Variants in HERC5 observed in about 807,000 individuals in gnomAD.
HERC5 encodes the protein HECT and RLD domain containing E3 ubiquitin protein ligase 5, also known as E3 ISG15--protein ligase HERC5.
Under a neutral mutation model 119.6 loss-of-function variants are expected in HERC5, and 99 were observed. The observed-to-expected ratio is 0.83, with a 90% CI of 0.70 to 0.98. HERC5 has a LOEUF of 0.98. HERC5 is among the 50% of genes least tolerant of loss of function. HERC5 has a pLI of 0.00. For synonymous variants in HERC5, 478 were observed against 445.9 expected, an observed-to-expected ratio of 1.07 and a Z score of -0.91; for missense variants, 1,267 against 1,241.3, an observed-to-expected ratio of 1.02 and a Z score of -0.31.
chr4:88,463,704 A>G, intron 5 of HERC5, 81 bp downstream of exon 5: 2 of 1,414,246 alleles, frequency 1.4e-6, no homozygotes, highest in Non-Finnish European at 2.0e-6. Context: ...CAGAGAAGAA[A>G]GGTCATCACT....
intron 17 of HERC5, 21 bp from the exon 18 acceptor site, chr4:88,494,144 G>T (rs1377954388): frequency 1.3e-6 from 2 of 1,537,750 alleles, no homozygotes; most frequent in African/African-American, 1.4e-5. Flanking sequence ...AATACTTTAA[G>T]ATTTTTTTTT....
At chr4:88,471,088 C>T (rs1457887447) in intron 10 of HERC5, among the ~76,000 whole-genome samples, 1 of 151,892 alleles carries the variant, frequency 6.6e-6, no homozygotes, top group African/African-American at 2.4e-5. Context: ...CCTCCCACCT[C>T]AGCCTGAGTA....
At chr4:88,486,037 C>T in intron 13 of HERC5, 78 bp from the exon 14 acceptor site, 1 of 751,126 alleles carries the variant, frequency 1.3e-6, no homozygotes, top group South Asian at 1.8e-5. Context: ...ATAATTTAAT[C>T]TGATAATCTA....
chr4:88,471,835 C>CT (rs993390248), intron 10 of HERC5, among the ~76,000 whole-genome samples: 2 of 151,972 alleles, frequency 1.3e-5, no homozygotes, highest in Admixed American at 6.6e-5. Context: ...AAATGTTTAT[C>CT]TTTTTTCTGT....
At chr4:88,478,462 T>A (rs1741159247) in intron 12 of HERC5, among the ~76,000 whole-genome samples, 1 of 151,988 alleles carries the variant, frequency 6.6e-6, no homozygotes, top group Non-Finnish European at 1.5e-5. Flanking sequence ...TGTGGAGATG[T>A]AGGTCAAAGG....
intron 20 of HERC5, among the ~76,000 whole-genome samples, chr4:88,501,224 A>C (rs1352417476): frequency 1.3e-5 from 2 of 152,208 alleles, no homozygotes; most frequent in East Asian, 1.9e-4. Flanking sequence ...CAAAATTACA[A>C]CACCAACATC....
In HERC5 at chr4:88,486,331, G is replaced by A. The variant is rs564392327; in HGVS notation, c.1851+103G>A. 3 of 662,466 alleles carry A rather than the reference G, an allele frequency of 4.5e-6. No homozygotes were observed. The African/African-American group carries it at 5.5e-5, about 12-fold the overall frequency. The allele number at this position is 662,466 out of a possible 1,614,324, so 41.0% of individuals were successfully genotyped here. On this transcript the variant is annotated intron_variant, in intron 14 of 22. Transcript: ENST00000264350. Reference sequence around the variant, plus strand: ...CACAATAGAAATAGCAGGACTTGTGGGAAACATTAAGACTCCTCAAAATCT... The same window carrying A: ...CACAATAGAAATAGCAGGACTTGTGAGAAACATTAAGACTCCTCAAAATCT...
In HERC5 at chr4:88,505,880, C is replaced by T. The variant is rs1742090003; in HGVS notation, c.*2C>T. ...AACAACAACAGAGGATTTGGCTGACCAGCTTGCTTGTCCAACAGCCTTATT... is the reference window on the plus strand; with the variant it reads ...AACAACAACAGAGGATTTGGCTGACTAGCTTGCTTGTCCAACAGCCTTATT... On this transcript the variant is annotated 3_prime_UTR_variant, in exon 23 of 23. Transcript: ENST00000264350. 1.2e-6 allele frequency: 2 copies of T among 1,600,450 alleles called. No individual in the cohort carries two copies. The highest frequency in any genetic ancestry group is 4.5e-5 in the East Asian group (2 of 44,550).
intron 13 of HERC5, among the ~76,000 whole-genome samples, chr4:88,479,838 C>T (rs891600093): frequency 1.3e-5 from 2 of 151,964 alleles, no homozygotes; most frequent in Admixed American, 6.6e-5. Context: ...GAGGCCAAGG[C>T]GGGCGGATCA....
chr4:88,464,092 A>C (rs1048785452), intron 6 of HERC5, 107 bp downstream of exon 6: 3 of 841,698 alleles, frequency 3.6e-6, no homozygotes, highest in African/African-American at 3.5e-5. Context: ...AACATTTTCA[A>C]ATCAGTGAAA....
chr4:88,468,825 G>A (rs950485763), intron 8 of HERC5, among the ~76,000 whole-genome samples: 1 of 152,162 alleles, frequency 6.6e-6, no homozygotes, highest in African/African-American at 2.4e-5. Context: ...AAGTGAAATC[G>A]AGTTCCTCAC....
intron 10 of HERC5, 85 bp from the exon 11 acceptor site, chr4:88,472,324 T>G (rs1423762338): frequency 1.3e-6 from 1 of 748,728 alleles, no homozygotes; most frequent in Non-Finnish European, 2.3e-6. Context: ...AAAGGTAATT[T>G]TGTTGAAATG....
Position 88,500,850 on chromosome 4 carries a change from T to A in HERC5, c.2512-65T>A, listed in dbSNP as rs1741926004. ...TTTAGAAAGTATGCTCCAAAGTGTT[T>A]TTATTGATGATAGATTGTTCAGAAT... On this transcript the variant is annotated intron_variant, in intron 19 of 22. Transcript: ENST00000264350. 1.2e-5 allele frequency: 15 copies of A among 1,205,358 alleles called. No individual in the cohort carries two copies. The South Asian group carries it at 1.6e-4, about 13-fold the overall frequency. The allele number at this position is 1,205,358 out of a possible 1,614,324, so 74.7% of individuals were successfully genotyped here.
chr4:88,463,974 A>C lies in HERC5; in HGVS notation c.900A>C (p.Ile300=). 2.5e-6 allele frequency: 4 copies of C among 1,613,036 alleles called. No individual in the cohort carries two copies. The highest frequency in any genetic ancestry group is 3.4e-6 in the Non-Finnish European group (4 of 1,179,588). Residue 300 remains isoleucine, a synonymous_variant, in exon 6 of 23, where the codon ATA becomes ATC. Transcript: ENST00000264350. The part of the protein sequence containing the change: ...AELVGYRVTQ[I]ACGRWHTLAY... ...TTGTTGGGTATAGAGTGACTCAGAT[A>C]GCATGTGGAAGGTAAGTTGTAAAGT...
rs533932516 is a variant in HERC5 at position 88,479,650 on chromosome 4, A to G, written c.1737+143A>G. ...TTTTTTAATTTTTTTTTAAAATTAC[A>G]TCATACATATAAAGGAATATATATA... On this transcript the variant is annotated intron_variant, in intron 13 of 22. Transcript: ENST00000264350. The G allele has an allele frequency of 2.3e-5, 8 of 351,840 alleles. No individual in the cohort carries two copies. The East Asian group carries it at 1.1e-3, about 46-fold the overall frequency. 21.8% of individuals were successfully genotyped at this position (351,840 alleles called of 1,614,324 possible). A position where few individuals can be genotyped will look rare whatever the true frequency, so the allele number is the denominator to read the frequency against.
chr4:88,463,835 A>G lies in HERC5; in HGVS notation c.781-20A>G. On this transcript the variant is annotated intron_variant, in intron 5 of 22. Coordinates refer to ENST00000264350, the MANE Select transcript of HERC5 (RefSeq NM_016323.4). Reference sequence around the variant, plus strand: ...TTATTTTATTTTTCTAGCATCTGATATGACATTCCCTTTCCTTAGGATGGG... The same window carrying G: ...TTATTTTATTTTTCTAGCATCTGATGTGACATTCCCTTTCCTTAGGATGGG... 11 of 1,611,820 alleles carry G rather than the reference A, an allele frequency of 6.8e-6. No individual in the cohort carries two copies. The highest frequency in any genetic ancestry group is 8.5e-6 in the Non-Finnish European group (10 of 1,179,242).
chr4:88,465,565 C>T (rs1037324509), intron 6 of HERC5, among the ~76,000 whole-genome samples: 3 of 152,192 alleles, frequency 2.0e-5, no homozygotes, highest in East Asian at 1.9e-4. Flanking sequence ...ATACCTCATT[C>T]GGTATCTCTT....
At chr4:88,484,340 T>C (rs952619808) in intron 13 of HERC5, among the ~76,000 whole-genome samples, 2 of 152,204 alleles carry the variant, frequency 1.3e-5, no homozygotes, top group African/African-American at 4.8e-5. Context: ...TTGTGATTTG[T>C]GTATGTGTGA....
intron 1 of HERC5, 43 bp downstream of exon 1, chr4:88,457,577 G>GTGAGGGC (rs781500392): frequency 5.6e-5 from 69 of 1,240,122 alleles, no homozygotes; most frequent in East Asian, 5.3e-4. Flanking sequence ...GCTGTGAGGG[G>GTGAGGGC]TGAGGGCTGA....
Sources: allele counts gnomAD v4.1 joint callset (sites outside exome capture counted in the v4.1 genomes callset), GRCh38; gene constraint gnomAD v4.1.1; transcripts MANE v1.5; gene names NCBI Gene and HGNC (gene_info 2026-07-23, HGNC 2026-07-21).